Variants in EXOC6B observed in about 807,000 individuals in gnomAD.
EXOC6B encodes SEC15 homolog B.
In EXOC6B, 54 loss-of-function variants were observed where a neutral mutation model predicts 113.5. The observed-to-expected ratio is 0.48, with a 90% CI of 0.38 to 0.60. EXOC6B has a LOEUF of 0.60. Among genes scored for constraint, EXOC6B ranks in the 20% least tolerant of loss-of-function variants. The pLI, the probability that EXOC6B is intolerant of heterozygous loss-of-function variation, is 0.00. For missense variants in EXOC6B, 797 were observed against 977.5 expected, an observed-to-expected ratio of 0.82 and a Z score of 2.46; for synonymous variants, 357 against 339.0, an observed-to-expected ratio of 1.05 and a Z score of -0.58.
chr2:72,420,476 G>A (rs1006605359), intron 18 of EXOC6B, among the ~76,000 whole-genome samples: 2 of 152,168 alleles, frequency 1.3e-5, no homozygotes, highest in African/African-American at 4.8e-5. Flanking sequence ...TTATGAGTGA[G>A]AACACGTGGT....
chr2:72,484,142 CT>C lies in EXOC6B; in HGVS notation c.1666-3393del, dbSNP rs76559193. Among the ~76,000 whole-genome samples, 780 of 135,108 alleles carry C rather than the reference CT, an allele frequency of 5.8e-3. 1 individual carries two copies. The highest frequency in any genetic ancestry group is 0.015 in the African/African-American group (537 of 36,900). The allele number at this position is 135,108 out of a possible 152,430, so 88.6% of individuals were successfully genotyped here. On this transcript the variant is annotated intron_variant, in intron 16 of 21. Coordinates refer to ENST00000272427, the MANE Select transcript of EXOC6B (RefSeq NM_015189.3). ...ACATAGCACACCTTGGAGGTAATTT[CT>C]TTTTTTTTTTTTTCAATTTTACATT...
At chr2:72,382,225 G>A (rs1336254672) in intron 18 of EXOC6B, among the ~76,000 whole-genome samples, 1 of 152,172 alleles carries the variant, frequency 6.6e-6, no homozygotes. Context: ...CAACATAATG[G>A]TCTGGCTATG....
intron 18 of EXOC6B, among the ~76,000 whole-genome samples, chr2:72,457,037 A>G (rs1256437182): frequency 6.6e-6 from 1 of 151,966 alleles, no homozygotes; most frequent in Non-Finnish European, 1.5e-5. Flanking sequence ...CCCAGGGTAG[A>G]AAACAGTTGG....
intron 19 of EXOC6B, among the ~76,000 whole-genome samples, chr2:72,353,305 G>T (rs1689765774): frequency 7.8e-6 from 1 of 127,992 alleles, no homozygotes; most frequent in South Asian, 2.1e-4. Flanking sequence ...GTGTTTTCAA[G>T]CAAATTACAA....
intron 18 of EXOC6B, among the ~76,000 whole-genome samples, chr2:72,448,914 C>G (rs555932896): frequency 1.3e-5 from 2 of 151,954 alleles, no homozygotes; most frequent in Non-Finnish European, 2.9e-5. Flanking sequence ...TCTTTTGGGC[C>G]GATAGAGAGT....
intron 6 of EXOC6B, among the ~76,000 whole-genome samples, chr2:72,591,323 A>AC (rs1255000737): frequency 6.6e-6 from 1 of 152,114 alleles, no homozygotes; most frequent in Non-Finnish European, 1.5e-5. Context: ...AAAGACAGCT[A>AC]CTGTTACCTC....
intron 18 of EXOC6B, among the ~76,000 whole-genome samples, chr2:72,382,777 T>A (rs143853117): frequency 3.9e-5 from 6 of 152,216 alleles, no homozygotes; most frequent in Non-Finnish European, 8.8e-5. Flanking sequence ...AGGTATTTTA[T>A]TTTTTTGTAT....
At chr2:72,704,073 G>A (rs1678650422) in intron 6 of EXOC6B, among the ~76,000 whole-genome samples, 3 of 150,180 alleles carry the variant, frequency 2.0e-5, no homozygotes, top group South Asian at 4.3e-4. Context: ...CCACATACTG[G>A]GAAGTAAAGC....
intron 18 of EXOC6B, among the ~76,000 whole-genome samples, chr2:72,401,544 T>TATATACATATATATATATACAC (rs1693213468): frequency 6.9e-5 from 1 of 14,418 alleles, no homozygotes; most frequent in East Asian, 6.4e-4. Flanking sequence ...TATATATATA[T>TATATACATATATATATATACAC]GTGTATATAT....
rs150053312 is a variant in EXOC6B, at chr2:72,240,087, A to G, written c.2197-55900T>C. Among the ~76,000 whole-genome samples, 761 of 152,290 alleles carry G rather than the reference A, an allele frequency of 5.0e-3. 8 individuals are homozygous for G. The highest frequency in any genetic ancestry group is 0.018 in the African/African-American group (729 of 41,566). On this transcript the variant is annotated intron_variant, in intron 20 of 21. Coordinates refer to ENST00000272427, the MANE Select transcript of EXOC6B (RefSeq NM_015189.3). Reference sequence around the variant, plus strand: ...CTAATAGATTTTTAGTGGATTACTCAGTATTTTCTAAGTATAACATCATGT... The same window carrying G: ...CTAATAGATTTTTAGTGGATTACTCGGTATTTTCTAAGTATAACATCATGT...
intron 7 of EXOC6B, among the ~76,000 whole-genome samples, chr2:72,570,120 T>A (rs1407361095): frequency 6.6e-6 from 1 of 152,016 alleles, no homozygotes; most frequent in African/African-American, 2.4e-5. Context: ...AAGAATGGGG[T>A]TCTAATTCAA....
intron 6 of EXOC6B, among the ~76,000 whole-genome samples, chr2:72,647,993 A>C (rs1673865355): frequency 6.6e-6 from 1 of 152,206 alleles, no homozygotes; most frequent in Non-Finnish European, 1.5e-5. Context: ...GTGAACAGGA[A>C]ACCTACAGAA....
intron 20 of EXOC6B, among the ~76,000 whole-genome samples, chr2:72,252,742 G>A (rs1188493502): frequency 6.6e-6 from 1 of 152,192 alleles, no homozygotes; most frequent in Admixed American, 6.5e-5. Flanking sequence ...GGGAGCATGG[G>A]TTGAAAAACA....
At chr2:72,705,008 A>G (rs1018605047) in intron 6 of EXOC6B, among the ~76,000 whole-genome samples, 3 of 152,104 alleles carry the variant, frequency 2.0e-5, no homozygotes, top group Non-Finnish European at 4.4e-5. Flanking sequence ...TACCAAAGCC[A>G]GGCAGAGACA....
chr2:72,507,474 G>T (rs1197953888), intron 11 of EXOC6B, among the ~76,000 whole-genome samples: 1 of 151,982 alleles, frequency 6.6e-6, no homozygotes, highest in African/African-American at 2.4e-5. Context: ...ACAGGTATCT[G>T]CAACCCTTAT....
chr2:72,545,557 C>A (rs1055140741), intron 8 of EXOC6B, among the ~76,000 whole-genome samples: 1 of 152,182 alleles, frequency 6.6e-6, no homozygotes, highest in Non-Finnish European at 1.5e-5. Context: ...CAAAAAGGAA[C>A]TATTTCATAA....
intron 20 of EXOC6B, among the ~76,000 whole-genome samples, chr2:72,279,392 G>A (rs1282628465): frequency 6.6e-6 from 1 of 152,260 alleles, no homozygotes; most frequent in East Asian, 1.9e-4. Context: ...GGCTAGAGTA[G>A]AGGATCAGAT....
intron 6 of EXOC6B, among the ~76,000 whole-genome samples, chr2:72,598,687 A>T (rs375568416): frequency 6.6e-6 from 1 of 152,086 alleles, no homozygotes; most frequent in East Asian, 1.9e-4. Context: ...GAAGCCATAT[A>T]TTACAAATAG....
chr2:72,305,626 A>G (rs1173889330), intron 20 of EXOC6B, among the ~76,000 whole-genome samples: 1 of 152,182 alleles, frequency 6.6e-6, no homozygotes, highest in African/African-American at 2.4e-5. Flanking sequence ...GGACAAATTC[A>G]TAAGCTTTCT....
Sources: allele counts gnomAD v4.1 joint callset (sites outside exome capture counted in the v4.1 genomes callset), GRCh38; gene constraint gnomAD v4.1.1; transcripts MANE v1.5; gene names NCBI Gene and HGNC (gene_info 2026-07-23, HGNC 2026-07-21).